Variants in VRK3 observed in about 807,000 individuals in gnomAD.
VRK3 encodes VRK serine/threonine kinase 3.
Under a neutral mutation model 60.4 loss-of-function variants are expected in VRK3, and 50 were observed. The ratio of observed to expected loss-of-function variants is 0.83; its 90% CI spans 0.66 to 1.05. The LOEUF (loss-of-function observed/expected upper bound fraction) is 1.05. VRK3 is among the 50% of genes least tolerant of loss of function. VRK3 has a pLI of 0.00. For missense variants in VRK3, 549 were observed against 585.3 expected (o/e 0.94, Z 0.64); for synonymous variants, 246 against 227.8 (o/e 1.08, Z -0.72).
At chr19:50,023,863 C>CT (rs1189915463) in intron 1 of VRK3, among the ~76,000 whole-genome samples, 3 of 152,206 alleles carry the variant, frequency 2.0e-5, no homozygotes, top group Non-Finnish European at 4.4e-5. Flanking sequence ...AGACGTGCCA[C>CT]TTAGAAGCAG....
rs1265269821 is a variant in VRK3 at position 49,977,603 on chromosome 19, T to C, written c.*12-819A>G. 2.6e-5 allele frequency among the ~76,000 whole-genome samples: 4 copies of C among 152,050 alleles called. No individual in the cohort carries two copies. The East Asian group carries it at 7.7e-4, about 29-fold the overall frequency. ...GACAGAGTCAGACGCGACCCTGCCC[T>C]GGAGGAGCTGGCTGCCAGCAGAAGA... On this transcript the variant is annotated intron_variant, in intron 14 of 14. Transcript: ENST00000316763.
At chr19:50,023,254 C>T (rs1291839277) in intron 1 of VRK3, among the ~76,000 whole-genome samples, 5 of 152,338 alleles carry the variant, frequency 3.3e-5, no homozygotes, top group South Asian at 2.1e-4. Context: ...GGCACGATCT[C>T]GGCTTACTGC....
At chr19:50,010,023 C>A (rs60638840) in intron 3 of VRK3, among the ~76,000 whole-genome samples, 1 of 151,706 alleles carries the variant, frequency 6.6e-6, no homozygotes, top group Non-Finnish European at 1.5e-5. Context: ...AACCACCCAC[C>A]GAGTTTCTGA....
intron 4 of VRK3, 64 bp from the exon 5 acceptor site, chr19:50,007,890 G>A: frequency 1.3e-6 from 2 of 1,596,496 alleles, no homozygotes; most frequent in Middle Eastern, 1.7e-4. Flanking sequence ...GATGGGGAGT[G>A]AAACAGCACG....
chr19:50,009,745 T>C (rs1216412587), intron 3 of VRK3, among the ~76,000 whole-genome samples: 1 of 152,160 alleles, frequency 6.6e-6, no homozygotes, highest in Non-Finnish European at 1.5e-5. Context: ...GCAATTCTCC[T>C]GCCTCAGCCT....
rs374964866 is a variant in VRK3, at chr19:49,995,229, A to G, written c.726T>C (p.Pro242=). 3.7e-6 allele frequency: 6 copies of G among 1,614,088 alleles called. No individual in the cohort carries two copies. The highest frequency in any genetic ancestry group is 5.1e-6 in the Non-Finnish European group (6 of 1,180,040). The change falls in exon 8 of 15, where the codon CCT becomes CCC. Residue 242 remains proline, a synonymous_variant. Transcript: ENST00000316763. ...KLYSTPLLAI[P]TCMGFGVHQD... is the part of the protein sequence containing the mutation. Reference sequence around the variant, plus strand: ...GGTGAACACCGAAACCCATGCAGGTAGGGATGGCCAGCAGTGGGGTCGAGT... The same window carrying G: ...GGTGAACACCGAAACCCATGCAGGTGGGGATGGCCAGCAGTGGGGTCGAGT...
At chr19:49,984,737 T>C (rs59634487) in intron 12 of VRK3, among the ~76,000 whole-genome samples, 7,981 of 152,180 alleles carry the variant, frequency 0.052, 693 homozygotes, top group African/African-American at 0.18. Context: ...ACTCAAGTGA[T>C]CCTTCCACCT....
intron 5 of VRK3, among the ~76,000 whole-genome samples, chr19:50,002,314 C>T (rs10423126): frequency 0.053 from 7,998 of 152,164 alleles, 690 homozygotes; most frequent in African/African-American, 0.18. Context: ...CAGCTCTACA[C>T]GTTCAAGGCC....
chr19:49,989,229 G>A (rs2076569024), intron 11 of VRK3, among the ~76,000 whole-genome samples: 1 of 152,116 alleles, frequency 6.6e-6, no homozygotes. Flanking sequence ...ACTTTCCCTG[G>A]ATGATCCCAT....
chr19:49,976,994 T>G (rs1331663417), intron 14 of VRK3, among the ~76,000 whole-genome samples: 2 of 152,114 alleles, frequency 1.3e-5, no homozygotes, highest in African/African-American at 4.8e-5. Flanking sequence ...CACGCTTCCC[T>G]CCAGATGGGA....
At chr19:50,009,441 C>A in intron 3 of VRK3, 56 bp from the exon 4 acceptor site, 1 of 1,596,316 alleles carries the variant, frequency 6.3e-7, no homozygotes, top group African/African-American at 1.3e-5. Flanking sequence ...TCTGCAGGCA[C>A]CATTGGACTG....
chr19:49,998,351 G>A (rs1030461890), intron 6 of VRK3: 10 of 152,070 alleles, frequency 6.6e-5, no homozygotes, highest in African/African-American at 1.9e-4. Flanking sequence ...GCCAGGCATG[G>A]TGGTGCGTGC....
intron 11 of VRK3, among the ~76,000 whole-genome samples, chr19:49,988,885 A>T (rs1568780248): frequency 6.6e-6 from 1 of 152,214 alleles, no homozygotes; most frequent in Non-Finnish European, 1.5e-5. Flanking sequence ...TGAGTGACAA[A>T]GGACACAGAA....
chr19:49,984,071 G>A (rs2076471354), intron 12 of VRK3, among the ~76,000 whole-genome samples: 1 of 152,180 alleles, frequency 6.6e-6, no homozygotes, highest in African/African-American at 2.4e-5. Flanking sequence ...GACCCTCTCT[G>A]TGAACCAGTC....
intron 7 of VRK3, 92 bp downstream of exon 7, chr19:49,997,412 C>G: frequency 7.0e-7 from 1 of 1,425,878 alleles, no homozygotes; most frequent in South Asian, 1.2e-5. Flanking sequence ...TCTAAGCCCA[C>G]CCTTCTCATG....
intron 1 of VRK3, among the ~76,000 whole-genome samples, chr19:50,023,641 C>T (rs189500125): frequency 7.2e-4 from 110 of 152,314 alleles, no homozygotes; most frequent in Non-Finnish European, 1.4e-3. Context: ...TGCCCAGAGC[C>T]TCAAACAGGC....
At position 49,976,689 on chromosome 19, in the gene VRK3, G is replaced by C. The variant is rs1240618504; in HGVS notation, c.*107C>G. 2 of 152,594 alleles carry C rather than the reference G, an allele frequency of 1.3e-5. No individual in the cohort carries two copies. Among genetic ancestry groups the C allele is most frequent in the Non-Finnish European group, 2.9e-5 (2 of 68,046 alleles). The allele number at this position is 152,594 out of a possible 1,614,324, so 9.5% of individuals were successfully genotyped here. A position where few individuals can be genotyped will look rare whatever the true frequency, so the allele number is the denominator to read the frequency against. ...ACCAGTGGCAGGAATGCACATTCCA[G>C]GGCTTGTTCTAGAAGCTTATCTGTG... On this transcript the variant is annotated 3_prime_UTR_variant, in exon 15 of 15. Coordinates refer to ENST00000316763, the MANE Select transcript of VRK3 (RefSeq NM_016440.4).
chr19:50,012,772 G>C (rs1213167906), intron 3 of VRK3, among the ~76,000 whole-genome samples: 20 of 152,174 alleles, frequency 1.3e-4, no homozygotes, highest in Admixed American at 1.3e-3. Context: ...CTACTACGGA[G>C]GCTGAGGCAG....
At chr19:49,981,236 G>C (rs553760416) in intron 12 of VRK3, 2 of 576,820 alleles carry the variant, frequency 3.5e-6, no homozygotes, top group Non-Finnish European at 6.2e-6. Context: ...CTGGCCACAC[G>C]ATTTTCCCCG....
Sources: gnomAD v4.1 joint callset for allele counts (sites outside exome capture counted in the v4.1 genomes callset) on GRCh38, gnomAD v4.1.1 for gene constraint, MANE v1.5 for transcripts, NCBI Gene and HGNC (gene_info 2026-07-23, HGNC 2026-07-21) for gene names.